Variants in OSBPL8 observed in about 807,000 individuals in gnomAD.
OSBPL8 encodes oxysterol binding protein like 8, also known as oxysterol-binding protein-related protein 8.
A neutral mutation model predicts 125.5 loss-of-function variants in OSBPL8; 59 were observed. The observed-to-expected ratio is 0.47, with a 90% CI of 0.38 to 0.58. The LOEUF (loss-of-function observed/expected upper bound fraction) is 0.58, where lower values mean the gene tolerates loss of function less well. Ranked by LOEUF, OSBPL8 falls within the 20% of genes least tolerant of loss-of-function variation. OSBPL8 has a pLI of 0.00. For missense variants in OSBPL8, 758 were observed against 1,047.8 expected, an observed-to-expected ratio of 0.72 and a Z score of 3.82; for synonymous variants, 330 against 338.9, an observed-to-expected ratio of 0.97 and a Z score of 0.29.
chr12:76,428,663 C>T (rs1033634506), intron 4 of OSBPL8, among the ~76,000 whole-genome samples: 1 of 152,006 alleles, frequency 6.6e-6, no homozygotes, highest in Admixed American at 6.6e-5. Context: ...AATCAACCAA[C>T]ACGAATTTAA....
In OSBPL8 at chr12:76,477,863, T is replaced by A. The variant is rs1053366070; in HGVS notation, c.42+9647A>T. On this transcript the variant is annotated intron_variant, in intron 2 of 23. Transcript: ENST00000261183. ...TTCTAAAACAAAGTTTATTTAAAAATATATATATCTTAGAAAAAATTAAAC... is the reference window on the plus strand; with the variant it reads ...TTCTAAAACAAAGTTTATTTAAAAAAATATATATCTTAGAAAAAATTAAAC... 6.6e-5 allele frequency among the ~76,000 whole-genome samples: 10 copies of A among 151,236 alleles called. 1 individual carries two copies. The East Asian group carries it at 1.4e-3, about 21-fold the overall frequency.
At chr12:76,514,318 T>A (rs1423714479) in intron 1 of OSBPL8, among the ~76,000 whole-genome samples, 2 of 151,720 alleles carry the variant, frequency 1.3e-5, no homozygotes, top group East Asian at 3.9e-4. Context: ...CTAATTTTTT[T>A]TTTTTTTGTA....
chr12:76,500,678 T>C (rs1397697592), intron 1 of OSBPL8, among the ~76,000 whole-genome samples: 1 of 152,212 alleles, frequency 6.6e-6, no homozygotes, highest in Non-Finnish European at 1.5e-5. Flanking sequence ...CAAATCTTCC[T>C]TCAAGGACTA....
At chr12:76,448,163 A>T (rs1002557910) in intron 4 of OSBPL8, among the ~76,000 whole-genome samples, 3 of 152,190 alleles carry the variant, frequency 2.0e-5, no homozygotes, top group African/African-American at 7.2e-5. Context: ...ATTTACTCTA[A>T]ATATTCACGC....
intron 1 of OSBPL8, among the ~76,000 whole-genome samples, chr12:76,518,661 G>A (rs1304863696): frequency 2.6e-5 from 4 of 152,186 alleles, no homozygotes; most frequent in African/African-American, 7.2e-5. Flanking sequence ...CTCTAAAATC[G>A]AGGGGGAAGC....
intron 6 of OSBPL8, among the ~76,000 whole-genome samples, chr12:76,401,827 T>C (rs192015553): frequency 6.6e-6 from 1 of 152,284 alleles, no homozygotes; most frequent in East Asian, 1.9e-4. Flanking sequence ...TTATCCAAAA[T>C]ATGAAAGTTT....
At chr12:76,434,230 T>C (rs1871190852) in intron 4 of OSBPL8, among the ~76,000 whole-genome samples, 1 of 152,030 alleles carries the variant, frequency 6.6e-6, no homozygotes, top group Non-Finnish European at 1.5e-5. Flanking sequence ...CTTCAACCAG[T>C]GTGCCAAGAA....
chr12:76,392,668 T>G lies in OSBPL8; in HGVS notation c.842A>C (p.His281Pro), dbSNP rs1592590951. Reference protein sequence around the residue: ...KRTMIREGKEHDLSVSSDSTH... With the variant: ...KRTMIREGKEPDLSVSSDSTH... ...GCTATCTGATGAAACGCTCAGGTCATGTTCCTTTCCTTCTCTGATCATTGT... is the reference window on the plus strand; with the variant it reads ...GCTATCTGATGAAACGCTCAGGTCAGGTTCCTTTCCTTCTCTGATCATTGT... Residue 281 changes from histidine (H) to proline (P), a missense_variant, in exon 10 of 24, where the codon CAT (histidine) becomes CCT (proline). Around this residue, in one of 3 missense-constraint regions of OSBPL8, gnomAD observed 572 missense variants for 762.0 expected, o/e 0.75. Transcript: ENST00000261183. The G allele has an allele frequency of 1.9e-6, 3 of 1,614,156 alleles. No homozygotes were observed. Among genetic ancestry groups the G allele is most frequent in the Non-Finnish European group, 2.5e-6 (3 of 1,179,974 alleles).
At chr12:76,358,924 CAAT>C (rs781568030) in intron 21 of OSBPL8, 113 bp from the exon 22 acceptor site, 8 of 750,806 alleles carry the variant, frequency 1.1e-5, no homozygotes, top group East Asian at 2.7e-5. Context: ...GAAATAAAGA[CAAT>C]GATGAAATAG....
intron 21 of OSBPL8, among the ~76,000 whole-genome samples, chr12:76,366,806 T>A (rs1354330073): frequency 6.6e-6 from 1 of 150,808 alleles, no homozygotes; most frequent in Non-Finnish European, 1.5e-5. Context: ...TTTTGTTTTG[T>A]TTGTTTCTGA....
At chr12:76,456,719 T>C (rs1874094369) in intron 3 of OSBPL8, among the ~76,000 whole-genome samples, 1 of 152,194 alleles carries the variant, frequency 6.6e-6, no homozygotes, top group Non-Finnish European at 1.5e-5. Context: ...ACATATTGTA[T>C]ATGTTGTATG....
chr12:76,533,747 G>A (rs1309015505), intron 1 of OSBPL8, among the ~76,000 whole-genome samples: 1 of 152,084 alleles, frequency 6.6e-6, no homozygotes, highest in African/African-American at 2.4e-5. Context: ...GTCTTTCAAA[G>A]GACAAATGTG....
chr12:76,543,688 T>C (rs1039786801), intron 1 of OSBPL8, among the ~76,000 whole-genome samples: 2 of 152,094 alleles, frequency 1.3e-5, no homozygotes, highest in African/African-American at 2.4e-5. Flanking sequence ...TCCAATGGGG[T>C]AGCTGCCTGG....
intron 8 of OSBPL8, 96 bp downstream of exon 8, chr12:76,397,598 C>A (rs1953865643): frequency 1.7e-6 from 2 of 1,210,152 alleles, no homozygotes; most frequent in Non-Finnish European, 1.2e-6. Context: ...ATTTATAAGT[C>A]CTGGCAGAGG....
intron 2 of OSBPL8, among the ~76,000 whole-genome samples, chr12:76,479,899 G>T (rs1048376273): frequency 1.3e-5 from 2 of 152,206 alleles, no homozygotes; most frequent in South Asian, 2.1e-4. Flanking sequence ...GGGCGCGGTG[G>T]CTCATGCCTG....
chr12:76,516,540 T>C (rs1881548912), intron 1 of OSBPL8, among the ~76,000 whole-genome samples: 1 of 152,152 alleles, frequency 6.6e-6, no homozygotes, highest in African/African-American at 2.4e-5. Flanking sequence ...AGGAAAACTT[T>C]GCCTCCCTAA....
At chr12:76,468,060 T>C (rs372155505) in intron 2 of OSBPL8, among the ~76,000 whole-genome samples, 2 of 152,190 alleles carry the variant, frequency 1.3e-5, no homozygotes, top group East Asian at 3.8e-4. Context: ...TTTACCTGAG[T>C]ATTGTATATA....
At chr12:76,434,657 T>A (rs1440068903) in intron 4 of OSBPL8, among the ~76,000 whole-genome samples, 1 of 151,856 alleles carries the variant, frequency 6.6e-6, no homozygotes. Context: ...AACAAAAATT[T>A]AAAAAATGAA....
At chr12:76,416,437 G>A (rs1416732606) in intron 4 of OSBPL8, among the ~76,000 whole-genome samples, 1 of 151,996 alleles carries the variant, frequency 6.6e-6, no homozygotes, top group African/African-American at 2.4e-5. Context: ...TTTCTTAGTA[G>A]AGAAGTTCTA....
Sources: gnomAD v4.1 joint callset for allele counts (sites outside exome capture counted in the v4.1 genomes callset) on GRCh38, gnomAD v4.1.1 for gene constraint, gnomAD v4.1.1 regional missense constraint, MANE v1.5 for transcripts, NCBI Gene and HGNC (gene_info 2026-07-23, HGNC 2026-07-21) for gene names.